The following HPSE2 variants were observed in gnomAD, a reference collection of about 807,000 sequenced individuals.
HPSE2 encodes the protein inactive heparanase-2.
HPSE2 carries 38 observed loss-of-function variants against 60.5 expected under a neutral mutation model. That is an observed-to-expected ratio of 0.63 (90% confidence interval 0.48 to 0.82). The LOEUF is 0.82. Among genes scored for constraint, HPSE2 ranks in the 40% least tolerant of loss-of-function variants. The pLI is 0.00. For synonymous variants in HPSE2, 295 were observed against 293.2 expected, an observed-to-expected ratio of 1.01 and a Z score of -0.06; for missense variants, 713 against 740.4, an observed-to-expected ratio of 0.96 and a Z score of 0.43.
At chr10:99,011,234 A>C (rs1371471817) in intron 3 of HPSE2, among the ~76,000 whole-genome samples, 7 of 152,138 alleles carry the variant, frequency 4.6e-5, no homozygotes. Flanking sequence ...TATAAATATG[A>C]AACACAAAAC....
chr10:98,986,459 A>C (rs932953539), intron 3 of HPSE2, among the ~76,000 whole-genome samples: 13 of 151,584 alleles, frequency 8.6e-5, no homozygotes, highest in African/African-American at 2.7e-4. Context: ...ACAAAGACAC[A>C]ACATACCAGA....
intron 2 of HPSE2, among the ~76,000 whole-genome samples, chr10:99,151,960 C>T (rs1846283716): frequency 6.6e-6 from 1 of 151,676 alleles, no homozygotes; most frequent in South Asian, 2.1e-4. Context: ...ACCAATAATT[C>T]TATGTTCAGC....
intron 2 of HPSE2, among the ~76,000 whole-genome samples, chr10:99,147,780 G>A (rs1383357353): frequency 1.3e-5 from 2 of 152,036 alleles, no homozygotes; most frequent in Non-Finnish European, 2.9e-5. Flanking sequence ...TAAACACAAA[G>A]CAAAGATACT....
chr10:98,882,382 T>C (rs1365989172), intron 3 of HPSE2, among the ~76,000 whole-genome samples: 1 of 152,096 alleles, frequency 6.6e-6, no homozygotes, highest in Non-Finnish European at 1.5e-5. Flanking sequence ...TCTCGATGAC[T>C]TACAACAATA....
intron 3 of HPSE2, among the ~76,000 whole-genome samples, chr10:99,010,559 G>A (rs948646162): frequency 8.5e-5 from 13 of 152,162 alleles, no homozygotes; most frequent in Non-Finnish European, 1.9e-4. Context: ...TAAATTCAAA[G>A]ATGACTGGGC....
chr10:99,238,564 T>C (rs1197579827), upstream of HPSE2, among the ~76,000 whole-genome samples: 2 of 152,186 alleles, frequency 1.3e-5, no homozygotes, highest in African/African-American at 2.4e-5. Flanking sequence ...GGGAAAGAAA[T>C]AACTGATATT....
At chr10:98,638,174 A>G (rs1565038271) in intron 7 of HPSE2, among the ~76,000 whole-genome samples, 1 of 129,794 alleles carries the variant, frequency 7.7e-6, no homozygotes, top group Non-Finnish European at 1.6e-5. Flanking sequence ...GGCTGGGTGC[A>G]GTGGCTCACG....
At chr10:99,031,094 T>C (rs1009872437) in intron 3 of HPSE2, among the ~76,000 whole-genome samples, 2 of 152,170 alleles carry the variant, frequency 1.3e-5, no homozygotes, top group African/African-American at 4.8e-5. Flanking sequence ...CAGGTTTCTA[T>C]AGTCAATAGT....
intron 9 of HPSE2, among the ~76,000 whole-genome samples, chr10:98,503,568 T>C (rs1013689821): frequency 5.9e-5 from 9 of 152,164 alleles, no homozygotes; most frequent in Non-Finnish European, 1.0e-4. Context: ...TGCACACGCA[T>C]GTTTATAGCA....
chr10:99,250,693 CAAG>C, the HPSE2 span, among the ~76,000 whole-genome samples: 1 of 152,076 alleles, frequency 6.6e-6, no homozygotes, highest in African/African-American at 2.4e-5. Context: ...AAATCAATAC[CAAG>C]AAGATCTCTC....
rs753315804 is a variant in HPSE2, at chr10:99,235,746, G to A, written c.57C>T (p.Pro19=). The A allele has an allele frequency of 4.3e-6, 7 of 1,613,170 alleles. No homozygotes were observed. The Admixed American group carries it at 8.3e-5, about 19-fold the overall frequency. The change falls in exon 1 of 12, where the codon CCC becomes CCT. Residue 19 remains proline (P), a synonymous_variant. Coordinates refer to ENST00000370552, the MANE Select transcript of HPSE2 (RefSeq NM_021828.5). ...EAMPSSNSRP[P]ACLAPGALYL... The stretch of plus-strand genomic sequence containing the variant: ...AGAGAGCCCCCGGGGCTAGGCACGC[G>A]GGGGGGCGGGAGTTGCTGGAGGGCA...
chr10:99,132,477 A>G (rs7909470), intron 3 of HPSE2, among the ~76,000 whole-genome samples: 74,869 of 151,942 alleles, frequency 0.49, 20,923 homozygotes, highest in East Asian at 0.65. Context: ...GAGAAGCTCC[A>G]GTCTGCATCT....
At chr10:98,625,110 C>A (rs1946172691) in intron 7 of HPSE2, among the ~76,000 whole-genome samples, 1 of 152,224 alleles carries the variant, frequency 6.6e-6, no homozygotes, top group South Asian at 2.1e-4. Context: ...GTGTGTAACA[C>A]AAAGAAGTTA....
At chr10:99,053,364 A>T (rs904097970) in intron 3 of HPSE2, among the ~76,000 whole-genome samples, 1 of 117,062 alleles carries the variant, frequency 8.5e-6, no homozygotes, top group African/African-American at 2.6e-5. Context: ...CCACTAAAAA[A>T]CAGTACAAAA....
At chr10:98,472,134 T>C (rs1433232787) in intron 11 of HPSE2, among the ~76,000 whole-genome samples, 2 of 152,056 alleles carry the variant, frequency 1.3e-5, no homozygotes, top group African/African-American at 4.8e-5. Context: ...ACATATTTAC[T>C]TCTCTTTCTT....
intron 11 of HPSE2, among the ~76,000 whole-genome samples, chr10:98,464,293 T>A (rs114024390): frequency 0.012 from 1,780 of 152,318 alleles, 35 homozygotes; most frequent in African/African-American, 0.039. Context: ...ATTACTATAA[T>A]GTGGAAGACC....
chr10:98,906,914 A>T (rs958246085), intron 3 of HPSE2, among the ~76,000 whole-genome samples: 16 of 152,194 alleles, frequency 1.1e-4, no homozygotes, highest in African/African-American at 3.1e-4. Flanking sequence ...AAAAAAAAAA[A>T]AAATGCTAGA....
chr10:99,263,391 C>A, the HPSE2 span, among the ~76,000 whole-genome samples: 15 of 152,336 alleles, frequency 9.8e-5, no homozygotes, highest in African/African-American at 3.4e-4. Flanking sequence ...AATATGCCTT[C>A]CATATCCTGC....
At chr10:98,550,429 G>A (rs1943826310) in intron 9 of HPSE2, among the ~76,000 whole-genome samples, 1 of 151,860 alleles carries the variant, frequency 6.6e-6, no homozygotes, top group African/African-American at 2.4e-5. Flanking sequence ...AAGTAGCTGG[G>A]ACTACAGGTG....
Sources: allele counts gnomAD v4.1 joint callset (sites outside exome capture counted in the v4.1 genomes callset), GRCh38; gene constraint gnomAD v4.1.1; transcripts MANE v1.5; gene names NCBI Gene and HGNC (gene_info 2026-07-23, HGNC 2026-07-21).